The following ADA variants were observed in gnomAD, a reference collection of about 807,000 sequenced individuals.
The protein encoded by ADA is adenosine deaminase.
A neutral mutation model predicts 49.0 loss-of-function variants in ADA; 45 were observed. The observed-to-expected ratio is 0.92, with a 90% CI of 0.72 to 1.18. The LOEUF is 1.18. ADA is among the 50% of genes most tolerant of loss of function. The probability of loss-of-function intolerance (pLI) is 0.00; values close to 1 mark genes in which losing one functional copy is unlikely to be tolerated. For synonymous variants in ADA, 173 were observed against 184.2 expected, an observed-to-expected ratio of 0.94 and a Z score of 0.49; for missense variants, 445 against 472.5, an observed-to-expected ratio of 0.94 and a Z score of 0.54.
At chr20:44,634,388 T>C (rs1302964995) in intron 2 of ADA, among the ~76,000 whole-genome samples, 2 of 152,226 alleles carry the variant, frequency 1.3e-5, no homozygotes, top group African/African-American at 2.4e-5. Flanking sequence ...CTAAGCATTT[T>C]ACGGGCGTCA....
chr20:44,650,185 G>T (rs2065630640), intron 1 of ADA, among the ~76,000 whole-genome samples: 1 of 152,228 alleles, frequency 6.6e-6, no homozygotes, highest in Admixed American at 6.5e-5. Context: ...CGTGAAGGAG[G>T]CAGGGGTGGG....
At chr20:44,638,373 T>G (rs1414102239) in intron 1 of ADA, among the ~76,000 whole-genome samples, 2 of 152,094 alleles carry the variant, frequency 1.3e-5, no homozygotes, top group East Asian at 3.9e-4. Flanking sequence ...GCCAGGAGTT[T>G]GAGACCAGCC....
chr20:44,634,473 C>T (rs942366685), intron 2 of ADA, among the ~76,000 whole-genome samples: 3 of 152,198 alleles, frequency 2.0e-5, no homozygotes, highest in African/African-American at 4.8e-5. Context: ...TGGGTTCAAA[C>T]CTCCGCCCTG....
At chr20:44,646,647 C>T (rs955390196) in intron 1 of ADA, among the ~76,000 whole-genome samples, 2 of 151,972 alleles carry the variant, frequency 1.3e-5, no homozygotes, top group African/African-American at 2.4e-5. Context: ...CCCCATTTTA[C>T]AGAGGGGGAA....
rs1600956578 is a variant in ADA, at chr20:44,651,680, C to T, written c.-73G>A. 3.5e-6 allele frequency: 5 copies of T among 1,439,420 alleles called. No homozygotes were observed. Among genetic ancestry groups the T allele is most frequent in the Non-Finnish European group, 2.7e-6 (3 of 1,101,110 alleles). 89.2% of individuals were successfully genotyped at this position (1,439,420 alleles called of 1,614,324 possible). A position where few individuals can be genotyped will look rare whatever the true frequency, so the allele number is the denominator to read the frequency against. ...GGTCTCTGCCGGCTCGGTGGCCGCT[C>T]GGCTTTCCCTGGGGCCAGCGGTGGC... On this transcript the variant is annotated 5_prime_UTR_variant, in exon 1 of 12. Transcript: ENST00000372874.
chr20:44,624,432 A>G, intron 5 of ADA, 103 bp from the exon 6 acceptor site: 4 of 1,507,816 alleles, frequency 2.7e-6, no homozygotes, highest in Non-Finnish European at 3.7e-6. Context: ...GGAGGCCAGC[A>G]CAAAACAGGG....
At chr20:44,634,170 A>C (rs1279783093) in intron 2 of ADA, among the ~76,000 whole-genome samples, 2 of 152,092 alleles carry the variant, frequency 1.3e-5, no homozygotes, top group Non-Finnish European at 2.9e-5. Flanking sequence ...TGACCCCTTA[A>C]TGAGTGCCTG....
intron 10 of ADA, chr20:44,620,713 GAAC>G: frequency 1.1e-5 from 6 of 559,244 alleles, no homozygotes; most frequent in Non-Finnish European, 1.9e-5. Context: ...TGGGATTTAA[GAAC>G]AACCTGAAGA....
rs1430356513 is a variant in ADA at position 44,636,382 on chromosome 20, T to C, written c.34-94A>G. 1.0e-5 allele frequency: 11 copies of C among 1,102,804 alleles called. No homozygotes were observed. In the East Asian group the frequency reaches 2.8e-4, roughly 28 times the overall value. The allele number at this position is 1,102,804 out of a possible 1,614,324, so 68.3% of individuals were successfully genotyped here. A position where few individuals can be genotyped will look rare whatever the true frequency, so the allele number is the denominator to read the frequency against. On this transcript the variant is annotated intron_variant, in intron 1 of 11. Coordinates refer to ENST00000372874, the MANE Select transcript of ADA (RefSeq NM_000022.4). ...GACCTTTCAGAGCTTAATGTTAACA[T>C]TAATCATGATAACCATTAGCCACCA...
chr20:44,642,450 A>C (rs945047315), intron 1 of ADA, among the ~76,000 whole-genome samples: 2 of 152,226 alleles, frequency 1.3e-5, no homozygotes, highest in Non-Finnish European at 2.9e-5. Flanking sequence ...GATCACTTAA[A>C]GGGGGAGTTC....
At chr20:44,645,557 GGTT>G (rs1177841662) in intron 1 of ADA, among the ~76,000 whole-genome samples, 2 of 152,100 alleles carry the variant, frequency 1.3e-5, no homozygotes, top group East Asian at 3.9e-4. Context: ...GGGAGGCAGA[GGTT>G]GTAGTGAGCC....
intron 1 of ADA, among the ~76,000 whole-genome samples, chr20:44,637,571 G>A (rs907609726): frequency 6.6e-6 from 1 of 152,186 alleles, no homozygotes; most frequent in African/African-American, 2.4e-5. Flanking sequence ...TCATGCTGGG[G>A]TGGGGAGCAT....
intron 3 of ADA, among the ~76,000 whole-genome samples, chr20:44,627,290 G>A (rs894124547): frequency 6.6e-6 from 1 of 151,240 alleles, no homozygotes; most frequent in Non-Finnish European, 1.5e-5. Context: ...CAAGTGATTC[G>A]TCTGCCTCAG....
chr20:44,628,896 A>C (rs376508020), intron 3 of ADA, 151 bp downstream of exon 3: 1 of 1,255,554 alleles, frequency 8.0e-7, no homozygotes, highest in South Asian at 1.2e-5. Flanking sequence ...GCCTAAAGGC[A>C]CTGGAGAGAC....
chr20:44,624,047 A>G lies in ADA; in HGVS notation c.606+155T>C, dbSNP rs188560545. ...AGGCATGAACCACCACGCCTGGCCC[A>G]GGGGGATTCCAGTTCCAAGCCTTAA... On this transcript the variant is annotated intron_variant, in intron 6 of 11. Transcript: ENST00000372874. 2.4e-3 allele frequency: 2,690 copies of G among 1,101,648 alleles called. 7 individuals carry two copies. Among genetic ancestry groups the G allele is most frequent in the Non-Finnish European group, 3.1e-3 (2,371 of 763,246 alleles). 68.2% of individuals were successfully genotyped at this position (1,101,648 alleles called of 1,614,324 possible). A position where few individuals can be genotyped will look rare whatever the true frequency, so the allele number is the denominator to read the frequency against.
At chr20:44,642,587 G>A (rs2065547140) in intron 1 of ADA, among the ~76,000 whole-genome samples, 1 of 152,126 alleles carries the variant, frequency 6.6e-6, no homozygotes. Context: ...GGTGAGAAAT[G>A]AGGCCAGGGC....
In ADA at chr20:44,626,680, T is replaced by A; in HGVS notation, c.219-81A>T. 3 of 1,577,294 alleles carry A rather than the reference T, an allele frequency of 1.9e-6. No homozygotes were observed. The South Asian group carries it at 3.3e-5, about 18-fold the overall frequency. ...CAGGAGCAAATGACATCCCCAACCCTTGGCAGATTAAACCCACTTCATCCC... is the reference window on the plus strand; with the variant it reads ...CAGGAGCAAATGACATCCCCAACCCATGGCAGATTAAACCCACTTCATCCC... On this transcript the variant is annotated intron_variant, in intron 3 of 11. Coordinates refer to ENST00000372874, the MANE Select transcript of ADA (RefSeq NM_000022.4).
Position 44,639,285 on chromosome 20 carries a change from A to G in ADA, c.34-2997T>C, listed in dbSNP as rs142519996. Reference sequence around the variant, plus strand: ...TCAGGTTAGGCCTGGGTGGGGAGCAATTCCCGCAGTTTGAGACAGAGAACT... The same window carrying G: ...TCAGGTTAGGCCTGGGTGGGGAGCAGTTCCCGCAGTTTGAGACAGAGAACT... On this transcript the variant is annotated intron_variant, in intron 1 of 11. Coordinates refer to ENST00000372874, the MANE Select transcript of ADA (RefSeq NM_000022.4). Among the ~76,000 whole-genome samples, 793 of 152,220 alleles carry G rather than the reference A, an allele frequency of 5.2e-3. 7 individuals carry two copies. Among genetic ancestry groups the G allele is most frequent in the East Asian group, 0.016 (84 of 5,160 alleles).
chr20:44,629,048 CGATAGCAG>C lies in ADA; in HGVS notation c.209_216del (p.Pro70ArgfsTer13). On this transcript the variant is annotated frameshift_variant and splice_region_variant, in exon 3 of 12. Coordinates refer to ENST00000372874, the MANE Select transcript of ADA (RefSeq NM_000022.4). LOFTEE classifies it high-confidence loss of function. ...ACCTGTGGGTTGGGGGCAACTCACGCGATAGCAGGCATGTAGTAGTCAAACTTGGCCAG... is the reference window on the plus strand; with the variant it reads ...ACCTGTGGGTTGGGGGCAACTCACGCGCATGTAGTAGTCAAACTTGGCCAG... 1 of 1,614,154 alleles carries C rather than the reference CGATAGCAG, an allele frequency of 6.2e-7. No homozygotes were observed. The highest frequency in any genetic ancestry group is 8.5e-7 in the Non-Finnish European group (1 of 1,180,040).
Sources: gnomAD v4.1 joint callset for allele counts (sites outside exome capture counted in the v4.1 genomes callset) on GRCh38, gnomAD v4.1.1 for gene constraint, MANE v1.5 for transcripts, NCBI Gene and HGNC (gene_info 2026-07-23, HGNC 2026-07-21) for gene names.